The following NCAM1 variants were observed in gnomAD, a reference collection of about 807,000 sequenced individuals.
NCAM1 encodes the protein antigen recognized by monoclonal antibody 5.1H11.
A neutral mutation model predicts 109.8 loss-of-function variants in NCAM1; 14 were observed. The observed-to-expected ratio is 0.13, with a 90% CI of 0.08 to 0.20. The LOEUF (loss-of-function observed/expected upper bound fraction) is 0.20, where lower values mean the gene tolerates loss of function less well. NCAM1 is among the 10% of genes least tolerant of loss of function. The pLI is 1.00. For missense variants in NCAM1, 774 were observed against 1,109.9 expected, an observed-to-expected ratio of 0.70 and a Z score of 4.30; for synonymous variants, 418 against 442.9, an observed-to-expected ratio of 0.94 and a Z score of 0.70.
At chr11:113,007,270 T>C (rs1555073466) in intron 1 of NCAM1, among the ~76,000 whole-genome samples, 1 of 152,048 alleles carries the variant, frequency 6.6e-6, no homozygotes, top group African/African-American at 2.4e-5. Flanking sequence ...TCATGGCTCA[T>C]TGTAGCCTCA....
At chr11:113,037,651 G>C (rs935481642) in intron 1 of NCAM1, among the ~76,000 whole-genome samples, 1 of 152,208 alleles carries the variant, frequency 6.6e-6, no homozygotes, top group Admixed American at 6.5e-5. Flanking sequence ...CAGCCTTACG[G>C]TCAGTCACGT....
chr11:113,006,221 G>A (rs1370512126), intron 1 of NCAM1, among the ~76,000 whole-genome samples: 2 of 152,084 alleles, frequency 1.3e-5, no homozygotes, highest in Admixed American at 1.3e-4. Context: ...ATCCTTATTG[G>A]CATCTGCACA....
Position 113,246,306 on chromosome 11 carries a change from A to G in NCAM1, c.1826-62A>G, listed in dbSNP as rs1945502436. The G allele has an allele frequency of 5.5e-6, 4 of 721,566 alleles. No homozygotes were observed. In the African/African-American group the frequency reaches 6.9e-5, roughly 12 times the overall value. 44.7% of individuals were successfully genotyped at this position (721,566 alleles called of 1,614,324 possible). On this transcript the variant is annotated intron_variant, in intron 14 of 19. Transcript: ENST00000316851. ...TTCAACCAATATCATGTGCGTGCGT[A>G]TCATGTGACTTTGTCATGTGGCTTG... is the stretch of plus-strand genomic sequence containing the variant.
chr11:113,259,625 C>T (rs1345050246), intron 16 of NCAM1, among the ~76,000 whole-genome samples: 23 of 151,790 alleles, frequency 1.5e-4, no homozygotes. Flanking sequence ...TTGTGTTTGC[C>T]AGCATGCAAA....
chr11:113,248,323 C>G (rs1565528328), intron 15 of NCAM1, among the ~76,000 whole-genome samples: 1 of 152,042 alleles, frequency 6.6e-6, no homozygotes. Context: ...GACAGACCCT[C>G]TCCTGCCATC....
intron 1 of NCAM1, among the ~76,000 whole-genome samples, chr11:113,111,871 A>C (rs1335631204): frequency 6.6e-6 from 1 of 152,238 alleles, no homozygotes; most frequent in Non-Finnish European, 1.5e-5. Flanking sequence ...ATCATTAAAA[A>C]TGAGCATGAT....
chr11:113,039,687 C>A (rs1348546758), intron 1 of NCAM1, among the ~76,000 whole-genome samples: 1 of 152,164 alleles, frequency 6.6e-6, no homozygotes, highest in African/African-American at 2.4e-5. Context: ...AGACTCTAGG[C>A]TACTTCCCTC....
intron 1 of NCAM1, among the ~76,000 whole-genome samples, chr11:113,184,890 T>A (rs1031353260): frequency 1.3e-5 from 2 of 151,940 alleles, no homozygotes; most frequent in African/African-American, 4.8e-5. Flanking sequence ...TTATATTATA[T>A]CCATTTTGAT....
intron 1 of NCAM1, among the ~76,000 whole-genome samples, chr11:113,186,857 T>C (rs575876999): frequency 6.6e-6 from 1 of 152,334 alleles, no homozygotes; most frequent in South Asian, 2.1e-4. Flanking sequence ...GTGTCCCAGC[T>C]GGTGTTTCTG....
chr11:112,981,889 T>C (rs1940726), intron 1 of NCAM1, among the ~76,000 whole-genome samples: 1 of 151,694 alleles, frequency 6.6e-6, no homozygotes, highest in Non-Finnish European at 1.5e-5. Context: ...CAAATAAAAT[T>C]AGTTGTTGTC....
intron 1 of NCAM1, among the ~76,000 whole-genome samples, chr11:113,033,640 G>T (rs1473983724): frequency 6.6e-6 from 1 of 152,122 alleles, no homozygotes; most frequent in Non-Finnish European, 1.5e-5. Context: ...GTGGATCTAC[G>T]CTTCCTTCTG....
intron 1 of NCAM1, among the ~76,000 whole-genome samples, chr11:113,126,341 G>A (rs1005652545): frequency 7.9e-5 from 12 of 151,686 alleles, no homozygotes; most frequent in Non-Finnish European, 1.8e-4. Flanking sequence ...CACTCAGAGA[G>A]GATTGGGCTC....
chr11:112,985,630 A>G lies in NCAM1; in HGVS notation c.52+23966A>G, dbSNP rs546619055. On this transcript the variant is annotated intron_variant, in intron 1 of 19. Transcript: ENST00000316851. The stretch of plus-strand genomic sequence containing the variant: ...TCTGTATACAGATTTTTACCTCTTT[A>G]GTTAAGTTTAGTCCTAAGTATTTTA... 6.9e-4 allele frequency among the ~76,000 whole-genome samples: 105 copies of G among 151,654 alleles called. 1 individual carries two copies. Among genetic ancestry groups the G allele is most frequent in the Middle Eastern group, 3.4e-3 (1 of 294 alleles).
chr11:113,231,132 T>G, intron 9 of NCAM1: 3 of 1,417,676 alleles, frequency 2.1e-6, no homozygotes, highest in Non-Finnish European at 2.9e-6. Context: ...GAAAGAGGCA[T>G]CTGCAGAAAT....
At chr11:112,977,264 CTT>C (rs1951032348) in intron 1 of NCAM1, 1 of 151,638 alleles carries the variant, frequency 6.6e-6, no homozygotes, top group South Asian at 2.1e-4. Flanking sequence ...TTAAAATAGT[CTT>C]ATAGTGATTT....
At chr11:113,173,377 C>T (rs1300933628) in intron 1 of NCAM1, among the ~76,000 whole-genome samples, 4 of 151,784 alleles carry the variant, frequency 2.6e-5, no homozygotes, top group African/African-American at 9.7e-5. Flanking sequence ...CTTCCCTGGA[C>T]CTCAGCCCTA....
At chr11:113,110,107 A>C (rs1940379625) in intron 1 of NCAM1, among the ~76,000 whole-genome samples, 1 of 152,188 alleles carries the variant, frequency 6.6e-6, no homozygotes, top group Non-Finnish European at 1.5e-5. Context: ...TTGGCCAAAG[A>C]TGGCAGGCAT....
At chr11:112,977,952 A>G (rs1951049213) in intron 1 of NCAM1, among the ~76,000 whole-genome samples, 1 of 151,864 alleles carries the variant, frequency 6.6e-6, no homozygotes, top group Admixed American at 6.6e-5. Context: ...ATTCCATTCA[A>G]GTGGAAAAGC....
chr11:113,056,171 A>T (rs1555082554), intron 1 of NCAM1, among the ~76,000 whole-genome samples: 1 of 151,168 alleles, frequency 6.6e-6, no homozygotes, highest in African/African-American at 2.4e-5. Flanking sequence ...GACAAATATC[A>T]CATGTTCTCA....
Sources: allele counts gnomAD v4.1 joint callset (sites outside exome capture counted in the v4.1 genomes callset), GRCh38; gene constraint gnomAD v4.1.1; transcripts MANE v1.5; gene names NCBI Gene and HGNC (gene_info 2026-07-23, HGNC 2026-07-21).